Variants in SUPT3H observed in about 807,000 individuals in gnomAD.
SUPT3H encodes the protein SPT3 homolog, SAGA and STAGA complex component, also known as transcription initiation protein SPT3 homolog.
A neutral mutation model predicts 44.3 loss-of-function variants in SUPT3H; 44 were observed. The observed-to-expected ratio is 0.99, with a 90% CI of 0.78 to 1.28. The LOEUF is 1.28. Among genes scored for constraint, SUPT3H ranks in the 50% most tolerant of loss-of-function variants. The pLI is 0.00. For missense variants in SUPT3H, 380 were observed against 387.1 expected, an observed-to-expected ratio of 0.98 and a Z score of 0.15; for synonymous variants, 124 against 125.6, an observed-to-expected ratio of 0.99 and a Z score of 0.09.
chr6:45,111,364 T>C (rs1438075008), intron 2 of SUPT3H, among the ~76,000 whole-genome samples: 1 of 152,074 alleles, frequency 6.6e-6, no homozygotes, highest in Non-Finnish European at 1.5e-5. Flanking sequence ...TTTTATTTAT[T>C]GGTGTTAGAA....
At chr6:44,877,263 T>C (rs1561939670) in intron 10 of SUPT3H, among the ~76,000 whole-genome samples, 2 of 152,132 alleles carry the variant, frequency 1.3e-5, no homozygotes, top group South Asian at 4.1e-4. Flanking sequence ...GGTCAGGAGT[T>C]CAAGACCAGT....
intron 10 of SUPT3H, among the ~76,000 whole-genome samples, chr6:44,888,157 A>T (rs747734109): frequency 2.0e-5 from 3 of 152,314 alleles, no homozygotes; most frequent in Non-Finnish European, 4.4e-5. Context: ...CAGGACCAGA[A>T]GGATTCACAG....
At chr6:44,891,769 T>G (rs1763357494) in intron 10 of SUPT3H, among the ~76,000 whole-genome samples, 1 of 151,830 alleles carries the variant, frequency 6.6e-6, no homozygotes, top group Non-Finnish European at 1.5e-5. Context: ...ATTATGTATA[T>G]TTTACAATAA....
chr6:45,192,802 T>C (rs1158757464), intron 2 of SUPT3H, among the ~76,000 whole-genome samples: 1 of 152,148 alleles, frequency 6.6e-6, no homozygotes, highest in African/African-American at 2.4e-5. Context: ...GCAGAGAATT[T>C]AGCTACAACA....
At chr6:45,165,310 G>GA (rs1809660318) in intron 2 of SUPT3H, among the ~76,000 whole-genome samples, 1 of 152,170 alleles carries the variant, frequency 6.6e-6, no homozygotes, top group Admixed American at 6.5e-5. Flanking sequence ...TACTAAAAAT[G>GA]AATGTAGCAA....
intron 2 of SUPT3H, among the ~76,000 whole-genome samples, chr6:45,331,130 C>CTT (rs1787415821): frequency 1.5e-5 from 2 of 133,680 alleles, no homozygotes; most frequent in South Asian, 4.8e-4. Context: ...TGTGTGTGCG[C>CTT]GCGCGCGCGC....
At chr6:44,964,153 T>G (rs1450621884) in intron 6 of SUPT3H, among the ~76,000 whole-genome samples, 1 of 152,160 alleles carries the variant, frequency 6.6e-6, no homozygotes, top group Non-Finnish European at 1.5e-5. Context: ...AATTTCTAGC[T>G]CCTAGGAAAA....
At chr6:44,864,042 A>G (rs1164424364) in intron 10 of SUPT3H, among the ~76,000 whole-genome samples, 1 of 152,018 alleles carries the variant, frequency 6.6e-6, no homozygotes, top group Non-Finnish European at 1.5e-5. Context: ...AAAGCATATC[A>G]TTCTGCTCCT....
chr6:45,076,663 ATAAT>A lies in SUPT3H; in HGVS notation c.186+29255_186+29258del, dbSNP rs373630799. 2.6e-3 allele frequency among the ~76,000 whole-genome samples: 389 copies of A among 152,296 alleles called. 2 individuals carry two copies. Among genetic ancestry groups the A allele is most frequent in the African/African-American group, 8.5e-3 (355 of 41,560 alleles). On this transcript the variant is annotated intron_variant, in intron 3 of 10. Transcript: ENST00000371459. ...CTGCATATATGGTCAAATGTTTTAA[ATAAT>A]TAAATTGACGCCTTTAATCATTAGC...
At chr6:45,116,171 C>T (rs1562489929) in intron 2 of SUPT3H, among the ~76,000 whole-genome samples, 1 of 152,100 alleles carries the variant, frequency 6.6e-6, no homozygotes, top group Non-Finnish European at 1.5e-5. Context: ...TTTTTCACAG[C>T]ATTTAAGGAA....
intron 3 of SUPT3H, among the ~76,000 whole-genome samples, chr6:45,096,483 T>C (rs1445644403): frequency 2.0e-5 from 3 of 151,780 alleles, no homozygotes; most frequent in Non-Finnish European, 4.4e-5. Context: ...ACCTAACAAG[T>C]GGAAAAGAGT....
At chr6:44,854,482 A>G (rs1365260521) in intron 10 of SUPT3H, among the ~76,000 whole-genome samples, 1 of 152,116 alleles carries the variant, frequency 6.6e-6, no homozygotes, top group Non-Finnish European at 1.5e-5. Context: ...TCTTCTGTTG[A>G]ACTTGGTTCT....
At chr6:45,044,916 T>C (rs1435147111) in intron 3 of SUPT3H, among the ~76,000 whole-genome samples, 1 of 152,146 alleles carries the variant, frequency 6.6e-6, no homozygotes. Context: ...TGTTACAAAT[T>C]GTCAGTGAAG....
chr6:45,246,255 C>A (rs1030530161), intron 2 of SUPT3H, among the ~76,000 whole-genome samples: 1 of 152,058 alleles, frequency 6.6e-6, no homozygotes, highest in Non-Finnish European at 1.5e-5. Flanking sequence ...TCCTTTGATG[C>A]ACAAAACTTT....
chr6:45,117,217 T>G (rs961228722), intron 2 of SUPT3H, among the ~76,000 whole-genome samples: 2 of 152,116 alleles, frequency 1.3e-5, no homozygotes, highest in Non-Finnish European at 2.9e-5. Flanking sequence ...AGCAAAGAGA[T>G]ATCCTTGAAA....
chr6:45,003,578 A>T, intron 6 of SUPT3H, 75 bp downstream of exon 6: 3 of 1,503,764 alleles, frequency 2.0e-6, no homozygotes, highest in Non-Finnish European at 2.7e-6. Context: ...TTTAAAGAAC[A>T]TGAGAATAGG....
chr6:45,289,080 A>G (rs921419495), intron 2 of SUPT3H, among the ~76,000 whole-genome samples: 5 of 152,128 alleles, frequency 3.3e-5, no homozygotes, highest in African/African-American at 4.8e-5. Context: ...ATCTTAAAAC[A>G]TGGTTCTTTC....
intron 3 of SUPT3H, among the ~76,000 whole-genome samples, chr6:45,027,943 C>G (rs529482486): frequency 3.1e-4 from 47 of 152,262 alleles, no homozygotes; most frequent in African/African-American, 1.1e-3. Context: ...TTCCCCTAGT[C>G]TGAGAAACTT....
intron 2 of SUPT3H, among the ~76,000 whole-genome samples, chr6:45,253,594 C>T (rs1000744858): frequency 1.3e-5 from 2 of 151,788 alleles, no homozygotes; most frequent in Non-Finnish European, 2.9e-5. Context: ...AGCTCGAGAC[C>T]AGCCTGAGCA....
Sources: gnomAD v4.1 joint callset for allele counts (sites outside exome capture counted in the v4.1 genomes callset) on GRCh38, gnomAD v4.1.1 for gene constraint, MANE v1.5 for transcripts, NCBI Gene and HGNC (gene_info 2026-07-23, HGNC 2026-07-21) for gene names.